The following CA10 variants were observed in gnomAD, a reference collection of about 807,000 sequenced individuals.
CA10 encodes the protein carbonic anhydrase 10 (inactive).
In CA10, 14 loss-of-function variants were observed where a neutral mutation model predicts 44.2. That is an observed-to-expected ratio of 0.32 (90% CI 0.21 to 0.50). The LOEUF (loss-of-function observed/expected upper bound fraction) is 0.50, where lower values mean the gene tolerates loss of function less well. CA10 is among the 20% of genes least tolerant of loss of function. CA10 has a pLI of 0.99. For missense variants in CA10, 350 were observed against 409.7 expected (o/e 0.85, Z 1.26); for synonymous variants, 159 against 141.6 (o/e 1.12, Z -0.87).
At chr17:51,768,626 A>AT (rs1446390430) in intron 3 of CA10, among the ~76,000 whole-genome samples, 2 of 152,172 alleles carry the variant, frequency 1.3e-5, no homozygotes, top group African/African-American at 4.8e-5. Flanking sequence ...CTGACTTTAA[A>AT]TTTCAGTTCC....
intron 3 of CA10, among the ~76,000 whole-genome samples, chr17:51,913,755 C>T (rs548094504): frequency 6.6e-6 from 1 of 152,212 alleles, no homozygotes; most frequent in East Asian, 1.9e-4. Flanking sequence ...AAGCTGGCAG[C>T]AACAGTGTTT....
At chr17:52,040,260 C>T (rs191982118) in intron 2 of CA10, among the ~76,000 whole-genome samples, 1 of 151,606 alleles carries the variant, frequency 6.6e-6, no homozygotes, top group East Asian at 2.0e-4. Context: ...AACATGGAAC[C>T]CTGATATCAG....
chr17:52,001,380 T>A (rs1823347155), intron 2 of CA10, among the ~76,000 whole-genome samples: 1 of 151,994 alleles, frequency 6.6e-6, no homozygotes, highest in Non-Finnish European at 1.5e-5. Flanking sequence ...CTATATTGAT[T>A]TAGTCTAAAA....
chr17:52,022,659 A>G (rs1442106106), intron 2 of CA10, among the ~76,000 whole-genome samples: 2 of 151,316 alleles, frequency 1.3e-5, no homozygotes. Context: ...TAGGAAAAAA[A>G]GTCAAATTAT....
chr17:52,055,719 T>C (rs1029766922), intron 2 of CA10, among the ~76,000 whole-genome samples: 8 of 152,032 alleles, frequency 5.3e-5, no homozygotes, highest in African/African-American at 1.9e-4. Flanking sequence ...CAATTAGCCA[T>C]AAAAAGGTAA....
At chr17:51,929,705 T>A (rs962474239) in intron 3 of CA10, among the ~76,000 whole-genome samples, 1 of 148,756 alleles carries the variant, frequency 6.7e-6, no homozygotes, top group Non-Finnish European at 1.5e-5. Context: ...AAATAAATAA[T>A]TCACCTTTTT....
chr17:52,157,111 G>A (rs1041851081), intron 1 of CA10, among the ~76,000 whole-genome samples: 1 of 152,176 alleles, frequency 6.6e-6, no homozygotes, highest in Admixed American at 6.5e-5. Flanking sequence ...AAAACACCGT[G>A]ATGTAAAGAA....
chr17:51,858,041 A>G (rs1979131261), intron 3 of CA10, among the ~76,000 whole-genome samples: 2 of 152,180 alleles, frequency 1.3e-5, no homozygotes, highest in South Asian at 4.1e-4. Context: ...TAACTGTGAC[A>G]TGCAACTATA....
intron 3 of CA10, among the ~76,000 whole-genome samples, chr17:51,815,491 ACTC>A (rs1328993236): frequency 6.6e-6 from 1 of 150,518 alleles, no homozygotes. Context: ...CATACAGTGA[ACTC>A]CTCCCTGCCT....
chr17:51,959,331 G>A (rs904845239), intron 2 of CA10, among the ~76,000 whole-genome samples: 9 of 127,714 alleles, frequency 7.0e-5, no homozygotes, highest in South Asian at 2.7e-4. Context: ...TGTGTGAATC[G>A]TCATTAATTT....
At chr17:51,921,373 C>T (rs1982224967) in intron 3 of CA10, among the ~76,000 whole-genome samples, 1 of 152,134 alleles carries the variant, frequency 6.6e-6, no homozygotes, top group Non-Finnish European at 1.5e-5. Flanking sequence ...GAAGTCTGGC[C>T]AAAGTTACTT....
chr17:51,986,925 C>G (rs1395574434), intron 2 of CA10, among the ~76,000 whole-genome samples: 2 of 152,052 alleles, frequency 1.3e-5, no homozygotes, highest in Non-Finnish European at 2.9e-5. Context: ...TAAACTACTA[C>G]AACCACTATG....
chr17:51,775,016 A>G (rs1232717144), intron 3 of CA10, among the ~76,000 whole-genome samples: 2 of 151,878 alleles, frequency 1.3e-5, no homozygotes, highest in Non-Finnish European at 2.9e-5. Flanking sequence ...GCCTTGGGAG[A>G]CCATTGTTCC....
intron 3 of CA10, among the ~76,000 whole-genome samples, chr17:51,849,124 TAA>T (rs1491305605): frequency 6.9e-6 from 1 of 144,762 alleles, no homozygotes; most frequent in African/African-American, 2.5e-5. Context: ...TGTATATATA[TAA>T]ATATAAAAAC....
chr17:51,852,409 A>G (rs755109890), intron 3 of CA10, among the ~76,000 whole-genome samples: 16 of 152,168 alleles, frequency 1.1e-4, no homozygotes, highest in South Asian at 2.1e-4. Flanking sequence ...AATTTGGGTA[A>G]TAATTCTTGA....
At chr17:51,938,665 T>C (rs1395156698) in intron 2 of CA10, among the ~76,000 whole-genome samples, 1 of 152,080 alleles carries the variant, frequency 6.6e-6, no homozygotes, top group African/African-American at 2.4e-5. Context: ...TCTTCCTGTT[T>C]GTACTTGGTT....
In CA10 at chr17:51,654,456, A is replaced by T. The variant is rs1343580247; in HGVS notation, c.466-720T>A. Reference sequence around the variant, plus strand: ...CAAGTTACCCCACATCACTGGGATCAATTGTTTCCTCTGAAAAATGGATAT... The same window carrying T: ...CAAGTTACCCCACATCACTGGGATCTATTGTTTCCTCTGAAAAATGGATAT... On this transcript the variant is annotated intron_variant, in intron 4 of 8. Coordinates refer to ENST00000451037, the MANE Select transcript of CA10 (RefSeq NM_020178.5). Among the ~76,000 whole-genome samples the T allele has an allele frequency of 2.0e-5, 3 of 152,194 alleles. No individual in the cohort carries two copies. In the East Asian group the frequency reaches 5.8e-4, roughly 29 times the overall value.
intron 2 of CA10, among the ~76,000 whole-genome samples, chr17:52,050,665 C>T (rs1416614358): frequency 6.6e-6 from 1 of 152,048 alleles, no homozygotes; most frequent in Non-Finnish European, 1.5e-5. Context: ...CTCTTTCTCA[C>T]TTCAAGGACT....
At chr17:52,001,291 T>C (rs28407482) in intron 2 of CA10, among the ~76,000 whole-genome samples, 2,702 of 152,122 alleles carry the variant, frequency 0.018, 85 homozygotes, top group African/African-American at 0.062. Flanking sequence ...TGGTCTTTTA[T>C]AGAAAAAGTT....
Sources: allele counts gnomAD v4.1 joint callset (sites outside exome capture counted in the v4.1 genomes callset), GRCh38; gene constraint gnomAD v4.1.1; transcripts MANE v1.5; gene names NCBI Gene and HGNC (gene_info 2026-07-23, HGNC 2026-07-21).